Variants in RAD54B observed in about 807,000 individuals in gnomAD.
The protein encoded by RAD54B is DNA repair and recombination protein RAD54B.
A neutral mutation model predicts 95.8 loss-of-function variants in RAD54B; 78 were observed. The observed-to-expected ratio is 0.81, with a 90% CI of 0.68 to 0.98. The LOEUF (loss-of-function observed/expected upper bound fraction) is 0.98. Ranked by LOEUF, RAD54B falls within the 50% of genes least tolerant of loss-of-function variation. The pLI, the probability that RAD54B is intolerant of heterozygous loss-of-function variation, is 0.00. For missense variants in RAD54B, 957 were observed against 1,056.6 expected, an observed-to-expected ratio of 0.91 and a Z score of 1.31; for synonymous variants, 328 against 354.9, an observed-to-expected ratio of 0.92 and a Z score of 0.85.
At chr8:94,462,124 T>C (rs6471447) in intron 2 of RAD54B, among the ~76,000 whole-genome samples, 1,743 of 152,276 alleles carry the variant, frequency 0.011, 29 homozygotes, top group African/African-American at 0.04. Flanking sequence ...TGTTTCCCTA[T>C]GATTAGTTTC....
intron 1 of RAD54B, among the ~76,000 whole-genome samples, chr8:94,473,383 T>C (rs1316604505): frequency 6.6e-6 from 1 of 152,222 alleles, no homozygotes; most frequent in Non-Finnish European, 1.5e-5. Flanking sequence ...TGCCTGAATA[T>C]AAATGTGGAC....
intron 3 of RAD54B, among the ~76,000 whole-genome samples, chr8:94,424,758 T>C (rs1202704498): frequency 6.6e-6 from 1 of 152,056 alleles, no homozygotes. Context: ...GACTTGAAGG[T>C]CTATCTGCAA....
At chr8:94,434,212 A>C (rs1812196638) in intron 3 of RAD54B, among the ~76,000 whole-genome samples, 1 of 151,990 alleles carries the variant, frequency 6.6e-6, no homozygotes, top group African/African-American at 2.4e-5. Context: ...TTACTATTTC[A>C]AATTAGTATG....
intron 2 of RAD54B, among the ~76,000 whole-genome samples, chr8:94,463,455 C>T (rs1421019587): frequency 6.6e-6 from 1 of 152,010 alleles, no homozygotes; most frequent in African/African-American, 2.4e-5. Flanking sequence ...AAAATTAAAA[C>T]CTTCATACAT....
At chr8:94,386,025 G>A (rs1810882808) in intron 11 of RAD54B, among the ~76,000 whole-genome samples, 1 of 152,150 alleles carries the variant, frequency 6.6e-6, no homozygotes, top group African/African-American at 2.4e-5. Flanking sequence ...GATTTTTTAA[G>A]AAAAGGAGTG....
At chr8:94,432,598 G>A in intron 3 of RAD54B, 1 of 1,549,978 alleles carries the variant, frequency 6.5e-7, no homozygotes, top group South Asian at 1.2e-5. Flanking sequence ...ACAGGATGGT[G>A]ATCCAACATT....
chr8:94,378,458 T>C (rs1011188186), intron 13 of RAD54B, 78 bp from the exon 14 acceptor site: 7 of 1,419,338 alleles, frequency 4.9e-6, no homozygotes, highest in Non-Finnish European at 6.8e-6. Context: ...TTTAGTAACA[T>C]ACTAGTTAAT....
At chr8:94,439,042 T>C (rs938663472) in intron 3 of RAD54B, among the ~76,000 whole-genome samples, 2 of 151,928 alleles carry the variant, frequency 1.3e-5, no homozygotes, top group African/African-American at 4.8e-5. Context: ...CACTAAGCCA[T>C]AATCATGCCA....
intron 3 of RAD54B, chr8:94,432,581 A>G: frequency 1.3e-6 from 2 of 1,550,262 alleles, no homozygotes; most frequent in Non-Finnish European, 1.7e-6. Context: ...CCTCCACTGT[A>G]ATAGCAACAG....
chr8:94,471,268 C>G (rs1391610562), intron 1 of RAD54B, among the ~76,000 whole-genome samples: 10 of 137,450 alleles, frequency 7.3e-5, no homozygotes, highest in African/African-American at 1.7e-4. Context: ...TAATGGGTGG[C>G]GGGGGGGGGC....
intron 3 of RAD54B, among the ~76,000 whole-genome samples, chr8:94,441,728 C>A (rs756213298): frequency 6.6e-6 from 1 of 152,214 alleles, no homozygotes; most frequent in Non-Finnish European, 1.5e-5. Flanking sequence ...GCTGAACGTT[C>A]CAACTCTCTA....
intron 3 of RAD54B, among the ~76,000 whole-genome samples, chr8:94,438,324 G>A (rs1812319042): frequency 6.6e-6 from 1 of 152,236 alleles, no homozygotes; most frequent in Admixed American, 6.5e-5. Context: ...AATGCTAGAT[G>A]TTGTCTGGTA....
chr8:94,465,209 AT>A (rs1451424652), intron 2 of RAD54B, among the ~76,000 whole-genome samples: 3 of 152,218 alleles, frequency 2.0e-5, no homozygotes, highest in African/African-American at 7.2e-5. Flanking sequence ...GTGTGCCAGA[AT>A]TTTTACATTG....
rs572329412 is a variant in RAD54B at position 94,444,961 on chromosome 8, T to C, written c.304+13307A>G. Among the ~76,000 whole-genome samples, 164 of 152,300 alleles carry C rather than the reference T, an allele frequency of 1.1e-3. 6 individuals are homozygous for C. The South Asian group carries it at 0.033, about 31-fold the overall frequency. On this transcript the variant is annotated intron_variant, in intron 3 of 14. Coordinates refer to ENST00000336148, the MANE Select transcript of RAD54B (RefSeq NM_012415.3). ...AGGACAGAATCCTAATTTTGATAAC[T>C]GTCAGCGAGCAGGCACACCTGACCC...
intron 1 of RAD54B, among the ~76,000 whole-genome samples, chr8:94,468,562 A>ATGCC (rs1244547074): frequency 9.2e-5 from 14 of 152,050 alleles, no homozygotes; most frequent in African/African-American, 3.4e-4. Flanking sequence ...ACGGTGGCTC[A>ATGCC]TGCCTGTAAT....
At chr8:94,420,498 G>A (rs965788262) in intron 3 of RAD54B, among the ~76,000 whole-genome samples, 5 of 151,592 alleles carry the variant, frequency 3.3e-5, no homozygotes, top group Admixed American at 2.0e-4. Flanking sequence ...GAGCTTAAGC[G>A]TCTGGTCTAC....
At chr8:94,440,690 T>C (rs979228489) in intron 3 of RAD54B, among the ~76,000 whole-genome samples, 9 of 151,854 alleles carry the variant, frequency 5.9e-5, no homozygotes, top group African/African-American at 9.7e-5. Flanking sequence ...TGTGTGGGAG[T>C]TTCTCCCCAC....
At chr8:94,444,258 C>T (rs929625306) in intron 3 of RAD54B, among the ~76,000 whole-genome samples, 1 of 152,028 alleles carries the variant, frequency 6.6e-6, no homozygotes, top group Non-Finnish European at 1.5e-5. Context: ...TTCTCTCATA[C>T]ACTAATGATG....
In RAD54B at chr8:94,380,333, A is replaced by G. The variant is rs750787729; in HGVS notation, c.2059T>C (p.Tyr687His). Residue 687 changes from tyrosine (Y) to histidine (H), a missense_variant, in exon 12 of 15, where the codon TAT (tyrosine) becomes CAT (histidine). Tyr to His is a moderately conservative substitution (Grantham distance 83, BLOSUM62 2). Transcript: ENST00000336148. ...QEVCKRHGYAYTRLDGQTPIS... is the reference protein window; with the variant it reads ...QEVCKRHGYAHTRLDGQTPIS... ...GGTGTTTGTCCATCAAGTCTTGTAT[A>G]AGCATATCCATGACGCTTACATACT... 57 of 1,613,920 alleles carry G rather than the reference A, an allele frequency of 3.5e-5. 1 individual carries two copies. In the South Asian group the frequency reaches 4.7e-4, roughly 13 times the overall value.
Sources: gnomAD v4.1 joint callset for allele counts (sites outside exome capture counted in the v4.1 genomes callset) on GRCh38, gnomAD v4.1.1 for gene constraint, MANE v1.5 for transcripts, NCBI Gene and HGNC (gene_info 2026-07-23, HGNC 2026-07-21) for gene names.